Variants in RBPJL observed in about 807,000 individuals in gnomAD.
The protein encoded by RBPJL is recombination signal binding protein for immunoglobulin kappa J region like, also known as recombining binding protein suppressor of hairless-like protein.
In RBPJL, 50 loss-of-function variants were observed where a neutral mutation model predicts 57.6. The observed-to-expected ratio is 0.87, with a 90% CI of 0.69 to 1.10. The LOEUF (loss-of-function observed/expected upper bound fraction) is 1.10. RBPJL is among the 50% of genes least tolerant of loss of function. RBPJL has a pLI of 0.00. For synonymous variants in RBPJL, 303 were observed against 294.4 expected (o/e 1.03, Z -0.30); for missense variants, 684 against 693.7 (o/e 0.99, Z 0.16).
chr20:45,316,659 G>GCCC (rs1568896729), intron 11 of RBPJL, 27 bp from the exon 12 acceptor site: 1 of 1,557,168 alleles, frequency 6.4e-7, no homozygotes, highest in African/African-American at 1.4e-5. Context: ...AGTCGCCGCA[G>GCCC]CCCTCACCCT....
chr20:45,308,409 AG>A (rs965581647), intron 2 of RBPJL, 158 bp downstream of exon 2: 2 of 599,222 alleles, frequency 3.3e-6, no homozygotes, highest in South Asian at 2.0e-5. Context: ...CTTCCTCCTG[AG>A]GGGGGGCAAA....
At chr20:45,311,472 C>G (rs2743327) in intron 3 of RBPJL, 117 bp from the exon 4 acceptor site, 402,368 of 870,974 alleles carry the variant, frequency 0.46, 97,652 homozygotes, top group African/African-American at 0.65. Context: ...AAAAGCGTTG[C>G]GGGGAGCGGG....
intron 6 of RBPJL, 70 bp downstream of exon 6, chr20:45,312,465 G>T (rs1185176462): frequency 6.7e-7 from 1 of 1,489,710 alleles, no homozygotes; most frequent in Admixed American, 1.9e-5. Context: ...GGCTAAACTG[G>T]GGCGCGGAGG....
At chr20:45,307,849 A>C (rs1986868506) in intron 1 of RBPJL, among the ~76,000 whole-genome samples, 1 of 152,144 alleles carries the variant, frequency 6.6e-6, no homozygotes, top group African/African-American at 2.4e-5. Flanking sequence ...CCTTGCATTA[A>C]AAAAAGAAAG....
intron 1 of RBPJL, 95 bp from the exon 2 acceptor site, chr20:45,308,048 T>A (rs1986889870): frequency 1.3e-6 from 1 of 784,056 alleles, no homozygotes; most frequent in African/African-American, 1.7e-5. Context: ...CCTGCAGAAG[T>A]GGGGAAGGGC....
rs1383504889 is a variant in RBPJL, at chr20:45,313,418, C to T, written c.620-50C>T. 3 of 1,517,110 alleles carry T rather than the reference C, an allele frequency of 2.0e-6. No individual in the cohort carries two copies. The Admixed American group carries it at 5.7e-5, about 29-fold the overall frequency. The allele number at this position is 1,517,110 out of a possible 1,614,324, so 94.0% of individuals were successfully genotyped here. A position where few individuals can be genotyped will look rare whatever the true frequency, so the allele number is the denominator to read the frequency against. Reference sequence around the variant, plus strand: ...CCTAACCCTAACCCTATCCCCTCACCCTAACCCTGACCCTCACCCTCACCC... The same window carrying T: ...CCTAACCCTAACCCTATCCCCTCACTCTAACCCTGACCCTCACCCTCACCC... On this transcript the variant is annotated intron_variant, in intron 6 of 11. Coordinates refer to ENST00000343694, the MANE Select transcript of RBPJL (RefSeq NM_014276.4).
chr20:45,307,170 C>G (rs559871686), intron 1 of RBPJL, among the ~76,000 whole-genome samples: 4 of 152,272 alleles, frequency 2.6e-5, no homozygotes, highest in Non-Finnish European at 5.9e-5. Context: ...CAGCTCCTAC[C>G]CCACCGCCGC....
At chr20:45,314,269 C>T (rs770789183) in intron 8 of RBPJL, 125 bp downstream of exon 8, 76 of 1,236,022 alleles carry the variant, frequency 6.1e-5, no homozygotes, top group Non-Finnish European at 7.0e-5. Context: ...CCCAGTGTCG[C>T]GTAGGACCAG....
chr20:45,316,066 C>A, intron 9 of RBPJL, 121 bp from the exon 10 acceptor site: 1 of 906,452 alleles, frequency 1.1e-6, no homozygotes, highest in Non-Finnish European at 1.7e-6. Flanking sequence ...ACAAGTGAAC[C>A]CCAGAGCCTA....
intron 1 of RBPJL, 142 bp downstream of exon 1, chr20:45,307,086 C>T (rs1986773004): frequency 4.3e-6 from 2 of 465,326 alleles, no homozygotes; most frequent in Non-Finnish European, 7.0e-6. Context: ...AGGATTAGAA[C>T]CTAGGGCTCC....
In RBPJL at chr20:45,317,130, C is replaced by T. The variant is rs1485329974; in HGVS notation, c.*171C>T. ...GGGTCTTACCCGGCTCACTCCCTCC[C>T]TTGTCCTTACACATACAGGAAGACA... On this transcript the variant is annotated 3_prime_UTR_variant, in exon 12 of 12. Coordinates refer to ENST00000343694, the MANE Select transcript of RBPJL (RefSeq NM_014276.4). 2.8e-6 allele frequency: 2 copies of T among 701,820 alleles called. No homozygotes were observed. The allele number at this position is 701,820 out of a possible 1,614,324, so 43.5% of individuals were successfully genotyped here.
At chr20:45,313,401 T>C in intron 6 of RBPJL, 67 bp from the exon 7 acceptor site, 1 of 1,341,052 alleles carries the variant, frequency 7.5e-7, no homozygotes, top group South Asian at 1.4e-5. Flanking sequence ...ATCCTAACCC[T>C]AACCCTATCC....
Position 45,317,183 on chromosome 20 carries a change from C to T in RBPJL, c.*224C>T, listed in dbSNP as rs1440934899. On this transcript the variant is annotated 3_prime_UTR_variant, in exon 12 of 12. Transcript: ENST00000343694. ...ACCTGAGTGGTGCTGTCTTTGTGTCCGTCGTGTATGGCTCTCCCTGTCTTC... is the reference window on the plus strand; with the variant it reads ...ACCTGAGTGGTGCTGTCTTTGTGTCTGTCGTGTATGGCTCTCCCTGTCTTC... 3 of 585,524 alleles carry T rather than the reference C, an allele frequency of 5.1e-6. No individual in the cohort carries two copies. Among genetic ancestry groups the T allele is most frequent in the Middle Eastern group, 4.5e-4 (1 of 2,216 alleles). The allele number at this position is 585,524 out of a possible 1,614,324, so 36.3% of individuals were successfully genotyped here.
chr20:45,312,059 G>C, intron 5 of RBPJL, 105 bp downstream of exon 5: 1 of 1,428,952 alleles, frequency 7.0e-7, no homozygotes. Context: ...TAGGTGGGGA[G>C]ACCGGGAGGC....
At chr20:45,315,841 G>T (rs1172685436) in intron 9 of RBPJL, 2 of 174,554 alleles carry the variant, frequency 1.1e-5, no homozygotes, top group Non-Finnish European at 2.1e-5. Context: ...AGAAAGAAAA[G>T]AAAAAGAGAA....
intron 9 of RBPJL, among the ~76,000 whole-genome samples, chr20:45,315,018 G>C (rs558159753): frequency 2.0e-5 from 3 of 152,242 alleles, no homozygotes; most frequent in East Asian, 3.9e-4. Flanking sequence ...GAGAGGTGGA[G>C]GTTGCAGTGA....
Position 45,316,972 on chromosome 20 carries a change from G to A in RBPJL, c.*13G>A. On this transcript the variant is annotated 3_prime_UTR_variant, in exon 12 of 12. Transcript: ENST00000343694. ...CATCCAGACTTAGGCGCGCCCGGTA[G>A]CCCCGGCTGCCCACCCTGGAGGGCT... is the stretch of plus-strand genomic sequence containing the variant. The A allele has an allele frequency of 6.2e-7, 1 of 1,604,706 alleles. No homozygotes were observed. Among genetic ancestry groups the A allele is most frequent in the Non-Finnish European group, 8.5e-7 (1 of 1,173,660 alleles).
intron 3 of RBPJL, among the ~76,000 whole-genome samples, chr20:45,310,281 G>A (rs1218447833): frequency 6.6e-6 from 1 of 152,182 alleles, no homozygotes; most frequent in Non-Finnish European, 1.5e-5. Context: ...AGCCAGACAG[G>A]AGAATATCTG....
At chr20:45,308,440 A>C in intron 2 of RBPJL, 189 bp downstream of exon 2, 1 of 581,414 alleles carries the variant, frequency 1.7e-6, no homozygotes, top group Admixed American at 3.0e-5. Flanking sequence ...CCCTGCTCCT[A>C]CCACGCTTGG....
Sources: allele counts gnomAD v4.1 joint callset (sites outside exome capture counted in the v4.1 genomes callset), GRCh38; gene constraint gnomAD v4.1.1; transcripts MANE v1.5; gene names NCBI Gene and HGNC (gene_info 2026-07-23, HGNC 2026-07-21).